PTPRM: variants seen among roughly 807,000 people sequenced by gnomAD.
The protein encoded by PTPRM is receptor-type tyrosine-protein phosphatase mu.
Under a neutral mutation model 186.7 loss-of-function variants are expected in PTPRM, and 47 were observed. The observed-to-expected ratio is 0.25, with a 90% CI of 0.20 to 0.32. PTPRM has a LOEUF of 0.32. Among genes scored for constraint, PTPRM ranks in the 10% least tolerant of loss-of-function variants. The probability of loss-of-function intolerance (pLI) is 1.00; values close to 1 mark genes in which losing one functional copy is unlikely to be tolerated. For missense variants in PTPRM, 1,494 were observed against 1,865.0 expected (o/e 0.80, Z 3.66); for synonymous variants, 668 against 674.9 (o/e 0.99, Z 0.16).
chr18:8,368,327 A>C (rs749246276), intron 23 of PTPRM, among the ~76,000 whole-genome samples: 1 of 152,130 alleles, frequency 6.6e-6, no homozygotes, highest in African/African-American at 2.4e-5. Flanking sequence ...CTGACTTTAC[A>C]TCTGGGAAAG....
chr18:8,136,599 A>G (rs1271403096), intron 13 of PTPRM, among the ~76,000 whole-genome samples: 1 of 152,250 alleles, frequency 6.6e-6, no homozygotes, highest in East Asian at 1.9e-4. Flanking sequence ...TACACTGGAA[A>G]TTAGGGACAG....
intron 7 of PTPRM, among the ~76,000 whole-genome samples, chr18:7,991,432 A>G (rs1599909399): frequency 6.6e-6 from 1 of 152,148 alleles, no homozygotes; most frequent in African/African-American, 2.4e-5. Context: ...GGAGGAATGG[A>G]GGGAGATGAG....
chr18:8,240,782 GAGAGA>G (rs2094421273), intron 14 of PTPRM, among the ~76,000 whole-genome samples: 1 of 28,478 alleles, frequency 3.5e-5, no homozygotes, highest in South Asian at 1.1e-3. Flanking sequence ...GAGAGGGAGA[GAGAGA>G]GAGAGAGAGA....
At chr18:8,226,497 A>AT (rs2094215937) in intron 14 of PTPRM, among the ~76,000 whole-genome samples, 1 of 152,196 alleles carries the variant, frequency 6.6e-6, no homozygotes. Context: ...AGAAAAAGGC[A>AT]TTTTTTACAA....
At chr18:8,101,827 G>C (rs934306040) in intron 11 of PTPRM, among the ~76,000 whole-genome samples, 2 of 152,160 alleles carry the variant, frequency 1.3e-5, no homozygotes, top group African/African-American at 2.4e-5. Flanking sequence ...TGCTTGATCA[G>C]AAGACATCTT....
intron 1 of PTPRM, among the ~76,000 whole-genome samples, chr18:7,651,871 G>A (rs1401654635): frequency 6.6e-6 from 1 of 151,606 alleles, no homozygotes; most frequent in Non-Finnish European, 1.5e-5. Context: ...AACACCAAAA[G>A]CAATGGCAAC....
chr18:8,064,050 TA>T (rs1290009924), intron 7 of PTPRM, among the ~76,000 whole-genome samples: 2 of 152,212 alleles, frequency 1.3e-5, no homozygotes, highest in African/African-American at 4.8e-5. Context: ...GTCATTTTAT[TA>T]TACAAGATAA....
At position 8,113,706 on chromosome 18, in the gene PTPRM, C is replaced by A; in HGVS notation, c.2077C>A (p.Leu693Ile). 6.2e-7 allele frequency: 1 copy of A among 1,613,784 alleles called. No homozygotes were observed. Residue 693 changes from leucine (L) to isoleucine (I), a missense_variant, in exon 12 of 33, where the codon CTC becomes ATC. By Grantham distance (5) the Leu-to-Ile change is conservative. Coordinates refer to ENST00000580170, the MANE Select transcript of PTPRM (RefSeq NM_001105244.2). ...TAATGGATACTGGAACACTCCCCTT[C>A]TCCCCTATAAAAGCTACAGAATTTA... ...TYNGYWNTPL[L>I]PYKSYRIYFQ...
chr18:7,809,164 C>G (rs1304523525), intron 2 of PTPRM, among the ~76,000 whole-genome samples: 1 of 152,198 alleles, frequency 6.6e-6, no homozygotes, highest in Non-Finnish European at 1.5e-5. Flanking sequence ...GGCTTTCTCT[C>G]TCATCAGCCC....
intron 7 of PTPRM, among the ~76,000 whole-genome samples, chr18:7,996,120 A>T (rs1371439978): frequency 1.3e-5 from 2 of 152,028 alleles, no homozygotes; most frequent in African/African-American, 4.8e-5. Context: ...ATTTCTTGGT[A>T]GGTAAAGCAT....
At chr18:7,742,296 T>C (rs2040899030) in intron 1 of PTPRM, among the ~76,000 whole-genome samples, 1 of 152,210 alleles carries the variant, frequency 6.6e-6, no homozygotes, top group African/African-American at 2.4e-5. Context: ...CACAGAATTT[T>C]GGATGAATGG....
Position 7,682,840 on chromosome 18 carries a change from G to T in PTPRM, c.74-91309G>T, listed in dbSNP as rs112535973. ...CTTTCCTCTCTGTCTTGGGCATTGG[G>T]GGGGTGCAAGTTATGCTGGCCAGAG... On this transcript the variant is annotated intron_variant, in intron 1 of 32. Transcript: ENST00000580170. Among the ~76,000 whole-genome samples, 77 of 152,238 alleles carry T rather than the reference G, an allele frequency of 5.1e-4. 1 individual carries two copies. Among genetic ancestry groups the T allele is most frequent in the Non-Finnish European group, 9.0e-4 (61 of 68,032 alleles).
At chr18:7,980,102 A>G (rs1021614587) in intron 7 of PTPRM, among the ~76,000 whole-genome samples, 10 of 151,818 alleles carry the variant, frequency 6.6e-5, no homozygotes, top group Non-Finnish European at 1.2e-4. Context: ...CAGCCCCACA[A>G]AATATTTTTT....
intron 23 of PTPRM, among the ~76,000 whole-genome samples, chr18:8,356,327 C>CT (rs1173961250): frequency 6.6e-6 from 1 of 152,140 alleles, no homozygotes; most frequent in African/African-American, 2.4e-5. Context: ...GGAAAAGAAT[C>CT]AGAAGAGAGG....
At chr18:7,932,368 C>G (rs2051542078) in intron 5 of PTPRM, among the ~76,000 whole-genome samples, 1 of 152,118 alleles carries the variant, frequency 6.6e-6, no homozygotes, top group South Asian at 2.1e-4. Flanking sequence ...GAGCAATCTT[C>G]AAATTAAATT....
intron 20 of PTPRM, 71 bp downstream of exon 20, chr18:8,296,526 C>A: frequency 1.7e-6 from 2 of 1,151,876 alleles, no homozygotes; most frequent in Non-Finnish European, 2.6e-6. Context: ...GACCACCAGG[C>A]TCATACAGAG....
intron 20 of PTPRM, among the ~76,000 whole-genome samples, chr18:8,306,645 T>G (rs1170225837): frequency 6.6e-6 from 1 of 152,228 alleles, no homozygotes; most frequent in Non-Finnish European, 1.5e-5. Context: ...CTACAGATCT[T>G]ATGCCTAGGC....
intron 1 of PTPRM, among the ~76,000 whole-genome samples, chr18:7,630,860 G>C (rs911513625): frequency 2.0e-5 from 3 of 152,096 alleles, no homozygotes; most frequent in Non-Finnish European, 4.4e-5. Context: ...ATTTTGCCTT[G>C]TTATCTATGA....
intron 21 of PTPRM, 35 bp from the exon 22 acceptor site, chr18:8,319,143 A>T: frequency 7.1e-7 from 1 of 1,413,950 alleles, no homozygotes; most frequent in Non-Finnish European, 9.9e-7. Context: ...TATCGATTTT[A>T]TGTTTATCAA....
Sources: allele counts gnomAD v4.1 joint callset (sites outside exome capture counted in the v4.1 genomes callset), GRCh38; gene constraint gnomAD v4.1.1; transcripts MANE v1.5; gene names NCBI Gene and HGNC (gene_info 2026-07-23, HGNC 2026-07-21).